The following ZNF469 variants were observed in gnomAD, a reference collection of about 807,000 sequenced individuals.
The protein encoded by ZNF469 is zinc finger protein 469.
ZNF469 carries 1 observed loss-of-function variant against 1.0 expected under a neutral mutation model. That is an observed-to-expected ratio of 1.00 (90% CI 0.35 to 4.73). ZNF469 has a LOEUF of 4.73. ZNF469 is among the 30% of genes most tolerant of loss of function. ZNF469 has a pLI of 0.16. For synonymous variants in ZNF469, 2,703 were observed against 2,363.4 expected (o/e 1.14, Z -4.17); for missense variants, 6,100 against 5,356.3 (o/e 1.14, Z -4.33).
chr16:88,281,997 GGTTA>G, the ZNF469 span, among the ~76,000 whole-genome samples: 1 of 152,194 alleles, frequency 6.6e-6, no homozygotes, highest in Non-Finnish European at 1.5e-5. Context: ...CTGGTGCATG[GGTTA>G]GTTAGTACTA....
In ZNF469 at chr16:88,433,341, C is replaced by A. The variant is rs1274836035; in HGVS notation, c.5871C>A (p.Gly1957=). The part of the protein sequence containing the change: ...GGKVACGPAQ[G]SPGGVQVTTL... ...AGGTGGCCTGTGGCCCCGCCCAGGG[C>A]TCCCCAGGGGGTGTGCAGGTGACAA... Residue 1957 remains glycine, a synonymous_variant, in exon 3 of 3, where the codon GGC becomes GGA. Coordinates refer to ENST00000565624, the MANE Select transcript of ZNF469 (RefSeq NM_001367624.2). 1 of 1,550,308 alleles carries A rather than the reference C, an allele frequency of 6.5e-7. No homozygotes were observed. Among genetic ancestry groups the A allele is most frequent in the African/African-American group, 1.4e-5 (1 of 73,182 alleles).
At position 88,438,136 on chromosome 16, in the gene ZNF469, T is replaced by G; in HGVS notation, c.10666T>G (p.Ser3556Ala). 6.5e-7 allele frequency: 1 copy of G among 1,550,290 alleles called. No individual in the cohort carries two copies. The highest frequency in any genetic ancestry group is 8.7e-7 in the Non-Finnish European group (1 of 1,146,930). ...CCAGGAGTGTCCCCCGCCGTCTCTGTCTCCCTTCCCAGCTGCCTTGGCTGA... is the reference window on the plus strand; with the variant it reads ...CCAGGAGTGTCCCCCGCCGTCTCTGGCTCCCTTCCCAGCTGCCTTGGCTGA... ...NHQECPPPSL[S>A]PFPAALADGR... The change falls in exon 3 of 3, where the codon TCT (serine) becomes GCT (alanine). Residue 3556 changes from serine to alanine, a missense_variant. Ser to Ala is a moderately conservative substitution (Grantham distance 99). Coordinates refer to ENST00000565624, the MANE Select transcript of ZNF469 (RefSeq NM_001367624.2).
chr16:88,123,807 C>CT, the ZNF469 span, among the ~76,000 whole-genome samples: 1 of 152,216 alleles, frequency 6.6e-6, no homozygotes, highest in South Asian at 2.1e-4. Context: ...ATATTTGACT[C>CT]TTTTTTAAAT....
chr16:88,235,524 G>T, the ZNF469 span, among the ~76,000 whole-genome samples: 53 of 152,206 alleles, frequency 3.5e-4, no homozygotes, highest in Admixed American at 2.5e-3. Flanking sequence ...TGAAACCAGC[G>T]CTGTCGCACT....
chr16:88,396,620 C>CAGGAGGAGACCCTCCTGAA (rs1904674168), intron 1 of ZNF469, among the ~76,000 whole-genome samples: 1 of 148,112 alleles, frequency 6.8e-6, no homozygotes, highest in African/African-American at 2.5e-5. Flanking sequence ...GAAGGGAGGC[C>CAGGAGGAGACCCTCCTGAA]GGGAGGAGAC....
the ZNF469 span, among the ~76,000 whole-genome samples, chr16:88,172,642 G>T: frequency 1.3e-5 from 2 of 152,224 alleles, no homozygotes; most frequent in African/African-American, 4.8e-5. Context: ...GTGGGAGTGG[G>T]AATCAATCAT....
the ZNF469 span, among the ~76,000 whole-genome samples, chr16:88,142,746 G>A: frequency 2.6e-5 from 4 of 152,208 alleles, no homozygotes; most frequent in African/African-American, 7.2e-5. Flanking sequence ...GCGGGGAGTC[G>A]GCCGGCAGCA....
chr16:88,103,756 C>A, the ZNF469 span, among the ~76,000 whole-genome samples: 2 of 148,480 alleles, frequency 1.3e-5, no homozygotes, highest in African/African-American at 2.6e-5. Context: ...TCCTCCGTGG[C>A]ACGGGGGTGG....
Position 88,428,866 on chromosome 16 carries a change from G to A in ZNF469, c.1396G>A (p.Gly466Ser), listed in dbSNP as rs1259430829. ...TGCCACCAGGAGTATGTTCTTTAAC[G>A]GCCAGCCCAGCCCAGGCCAGCGGCT... ...LAATRSMFFNGQPSPGQRLCL... is the reference protein window; with the variant it reads ...LAATRSMFFNSQPSPGQRLCL... The change falls in exon 3 of 3, where the codon GGC (glycine) becomes AGC (serine). Residue 466 changes from glycine to serine, a missense_variant. Transcript: ENST00000565624. The A allele has an allele frequency of 1.2e-5, 19 of 1,548,586 alleles. No homozygotes were observed. The highest frequency in any genetic ancestry group is 8.3e-5 in the South Asian group (7 of 84,046).
chr16:88,130,560 G>C, the ZNF469 span, among the ~76,000 whole-genome samples: 1 of 152,038 alleles, frequency 6.6e-6, no homozygotes, highest in Non-Finnish European at 1.5e-5. Context: ...ACAAAAATTA[G>C]CTGGGCGTGG....
the ZNF469 span, among the ~76,000 whole-genome samples, chr16:88,202,245 G>A: frequency 6.6e-6 from 1 of 152,210 alleles, no homozygotes; most frequent in South Asian, 2.1e-4. Flanking sequence ...TGGCTGCACT[G>A]TGAGGCAGAC....
the ZNF469 span, among the ~76,000 whole-genome samples, chr16:88,341,698 C>T: frequency 6.6e-5 from 10 of 152,180 alleles, no homozygotes; most frequent in Non-Finnish European, 1.3e-4. Context: ...GGCATGGATG[C>T]ATGCTCCCTG....
chr16:88,224,912 G>C, the ZNF469 span, among the ~76,000 whole-genome samples: 1 of 152,226 alleles, frequency 6.6e-6, no homozygotes, highest in Non-Finnish European at 1.5e-5. Flanking sequence ...CTGGGGAGCG[G>C]AGGTGCCCCA....
At chr16:88,201,453 G>A in the ZNF469 span, among the ~76,000 whole-genome samples, 1 of 152,146 alleles carries the variant, frequency 6.6e-6, no homozygotes, top group Non-Finnish European at 1.5e-5. The surrounding 1 kb of genome is among the most constrained non-coding windows in gnomAD (Gnocchi z 5.0). Context: ...TACTTGGGAG[G>A]CTAAGGCAGG....
the ZNF469 span, among the ~76,000 whole-genome samples, chr16:88,115,220 A>G: frequency 1.3e-5 from 2 of 152,216 alleles, no homozygotes; most frequent in African/African-American, 4.8e-5. Context: ...GAAGCACACC[A>G]AAAACAGCCA....
At chr16:88,251,387 T>C in the ZNF469 span, among the ~76,000 whole-genome samples, 3 of 152,114 alleles carry the variant, frequency 2.0e-5, no homozygotes, top group Admixed American at 6.5e-5. Context: ...GTAATCTACA[T>C]GTAGAATGTA....
the ZNF469 span, among the ~76,000 whole-genome samples, chr16:88,138,059 A>G: frequency 6.6e-6 from 1 of 152,146 alleles, no homozygotes; most frequent in Non-Finnish European, 1.5e-5. Flanking sequence ...TGCCCATCTC[A>G]CTCAGTGTCT....
chr16:88,140,361 C>T, the ZNF469 span, among the ~76,000 whole-genome samples: 91 of 118,382 alleles, frequency 7.7e-4, 2 homozygotes, highest in East Asian at 7.8e-3. Flanking sequence ...GACGGAGCCA[C>T]GTAGAAATCG....
chr16:88,111,635 TG>T, the ZNF469 span, among the ~76,000 whole-genome samples: 1 of 152,134 alleles, frequency 6.6e-6, no homozygotes, highest in African/African-American at 2.4e-5. Flanking sequence ...TGTTTTTGTT[TG>T]TTTTGTTTGT....
Sources: allele counts gnomAD v4.1 joint callset (sites outside exome capture counted in the v4.1 genomes callset), GRCh38; gene constraint gnomAD v4.1.1; non-coding constraint Gnocchi (gnomAD v3.1); transcripts MANE v1.5; gene names NCBI Gene and HGNC (gene_info 2026-07-23, HGNC 2026-07-21).